BPNT1: variants seen among roughly 807,000 people sequenced by gnomAD.
BPNT1 encodes the protein 3'(2'),5'-bisphosphate nucleotidase 1.
A neutral mutation model predicts 36.9 loss-of-function variants in BPNT1; 28 were observed. The ratio of observed to expected loss-of-function variants is 0.76; its 90% CI spans 0.56 to 1.04. The LOEUF (loss-of-function observed/expected upper bound fraction) is 1.04. Ranked by LOEUF, BPNT1 falls within the 50% of genes least tolerant of loss-of-function variation. The probability of loss-of-function intolerance (pLI) is 0.00; values close to 1 mark genes in which losing one functional copy is unlikely to be tolerated. For synonymous variants in BPNT1, 119 were observed against 130.9 expected (o/e 0.91, Z 0.62); for missense variants, 313 against 372.9 (o/e 0.84, Z 1.32).
intron 1 of BPNT1, among the ~76,000 whole-genome samples, chr1:220,087,148 G>A (rs1243546188): frequency 6.6e-6 from 1 of 151,026 alleles, no homozygotes; most frequent in Non-Finnish European, 1.5e-5. Flanking sequence ...GTTTATAAAA[G>A]TAAAAAAAGA....
intron 6 of BPNT1, among the ~76,000 whole-genome samples, chr1:220,066,355 A>C (rs1282647224): frequency 6.6e-6 from 1 of 152,248 alleles, no homozygotes; most frequent in Non-Finnish European, 1.5e-5. Flanking sequence ...AATAGACACA[A>C]GCAATTTAAC....
chr1:220,084,108 G>C (rs1356977681), intron 1 of BPNT1, among the ~76,000 whole-genome samples: 4 of 152,158 alleles, frequency 2.6e-5, no homozygotes, highest in Admixed American at 2.6e-4. Context: ...CGAGGTGGGT[G>C]GATCACGAGG....
chr1:220,059,067 C>A (rs925335269), intron 8 of BPNT1, 75 bp from the exon 9 acceptor site: 1 of 1,455,646 alleles, frequency 6.9e-7, no homozygotes, highest in East Asian at 2.3e-5. Flanking sequence ...TTTTTAAGTG[C>A]CTTTTGCTTC....
At chr1:220,068,690 A>G (rs1011948224) in intron 5 of BPNT1, among the ~76,000 whole-genome samples, 8 of 151,986 alleles carry the variant, frequency 5.3e-5, no homozygotes, top group African/African-American at 1.9e-4. Context: ...AGGTGCCTGT[A>G]ATCCCCGCTA....
At chr1:220,069,970 A>C (rs1663909911) in intron 4 of BPNT1, among the ~76,000 whole-genome samples, 1 of 152,114 alleles carries the variant, frequency 6.6e-6, no homozygotes, top group Non-Finnish European at 1.5e-5. Context: ...GATTTTCAAC[A>C]TGAAATGCTT....
chr1:220,075,825 A>T (rs1392197532), intron 2 of BPNT1, among the ~76,000 whole-genome samples: 3 of 152,228 alleles, frequency 2.0e-5, no homozygotes, highest in Non-Finnish European at 4.4e-5. Flanking sequence ...ACTACAGAAG[A>T]CAATGAGAAT....
At chr1:220,078,535 T>TATATATATTATAATTATATATAAATATA (rs1374604684) in intron 2 of BPNT1, among the ~76,000 whole-genome samples, 1 of 142,856 alleles carries the variant, frequency 7.0e-6, no homozygotes, top group Non-Finnish European at 1.5e-5. Context: ...TATATTACAT[T>TATATATATTATAATTATATATAAATATA]ATATATATTA....
rs61279491 is a variant in BPNT1, at chr1:220,073,659, AAAC to A, written c.225+305_225+307del. On this transcript the variant is annotated intron_variant, in intron 3 of 8. Transcript: ENST00000322067. ...TGCAAATAAGCCTAATTTTAAAAAC[AAAC>A]AACAACGAAACCCATTTTATTCCAA... 7.0e-3 allele frequency among the ~76,000 whole-genome samples: 1,061 copies of A among 152,300 alleles called. 12 individuals are homozygous for A. The highest frequency in any genetic ancestry group is 0.024 in the African/African-American group (1,014 of 41,558).
At chr1:220,089,564 G>C (rs1378561261) in intron 1 of BPNT1, 122 bp downstream of exon 1, 1 of 152,194 alleles carries the variant, frequency 6.6e-6, no homozygotes, top group African/African-American at 2.4e-5. Context: ...AGTCCAAGTC[G>C]GAAGTTAGAA....
intron 7 of BPNT1, 44 bp from the exon 8 acceptor site, chr1:220,059,835 A>G (rs781304192): frequency 2.8e-6 from 4 of 1,421,314 alleles, no homozygotes; most frequent in South Asian, 1.3e-5. Context: ...AATAGAAAGA[A>G]TAATTGAAAG....
Position 220,058,528 on chromosome 1 carries a change from G to GTT in BPNT1, c.*314_*315dup. The GTT allele has an allele frequency of 3.0e-6, 3 of 994,614 alleles. No individual in the cohort carries two copies. Among genetic ancestry groups the GTT allele is most frequent in the South Asian group, 4.5e-5 (1 of 22,048 alleles). The allele number at this position is 994,614 out of a possible 1,614,324, so 61.6% of individuals were successfully genotyped here. On this transcript the variant is annotated 3_prime_UTR_variant, in exon 9 of 9. Coordinates refer to ENST00000322067, the MANE Select transcript of BPNT1 (RefSeq NM_006085.6). ...AAATGAAACTTTAAGTACTTTTTGG[G>GTT]TTTTTGTTTTTTTTTTTTCTGAGAC...
At chr1:220,062,734 C>A in intron 7 of BPNT1, 23 bp downstream of exon 7, 1 of 1,611,786 alleles carries the variant, frequency 6.2e-7, no homozygotes, top group South Asian at 1.1e-5. Context: ...CACTTCAGAG[C>A]AGATGACAGA....
At chr1:220,075,112 C>A (rs1486522136) in intron 2 of BPNT1, among the ~76,000 whole-genome samples, 1 of 152,098 alleles carries the variant, frequency 6.6e-6, no homozygotes. Flanking sequence ...GGCGCGATCT[C>A]AGCTCACTGC....
At chr1:220,075,693 T>TC (rs1430656839) in intron 2 of BPNT1, among the ~76,000 whole-genome samples, 5 of 152,214 alleles carry the variant, frequency 3.3e-5, no homozygotes, top group Non-Finnish European at 5.9e-5. Context: ...GATAAATATT[T>TC]CCTATTCTAT....
chr1:220,078,277 G>A (rs1664738888), intron 2 of BPNT1, among the ~76,000 whole-genome samples: 1 of 142,460 alleles, frequency 7.0e-6, no homozygotes, highest in Non-Finnish European at 1.5e-5. Flanking sequence ...GTAATGTGAA[G>A]TAATTACCAA....
At chr1:220,068,375 T>G (rs543282748) in intron 5 of BPNT1, among the ~76,000 whole-genome samples, 51 of 151,668 alleles carry the variant, frequency 3.4e-4, no homozygotes, top group South Asian at 2.1e-4. Context: ...GGAGAGAAGG[T>G]GTTTCACCAT....
intron 4 of BPNT1, among the ~76,000 whole-genome samples, chr1:220,070,810 T>A (rs1308521338): frequency 6.6e-6 from 1 of 151,026 alleles, no homozygotes; most frequent in Non-Finnish European, 1.5e-5. Flanking sequence ...TGAATGGCCC[T>A]GGCACACTTG....
chr1:220,084,018 C>G (rs1283982190), intron 1 of BPNT1, among the ~76,000 whole-genome samples: 1 of 152,020 alleles, frequency 6.6e-6, no homozygotes, highest in African/African-American at 2.4e-5. Context: ...ACTACTAATT[C>G]AGGAGCACTT....
In BPNT1 at chr1:220,086,326, G is replaced by GGT. The variant is rs1450986930; in HGVS notation, c.-9+3358_-9+3359dup. The stretch of plus-strand genomic sequence containing the variant: ...CGCTCTGTCGCCCAGGCTAAAGTGC[G>GGT]GTGGCCTGATATCGGCTCACTGCAA... On this transcript the variant is annotated intron_variant, in intron 1 of 8. Transcript: ENST00000322067. Among the ~76,000 whole-genome samples, 4 of 152,014 alleles carry GGT rather than the reference G, an allele frequency of 2.6e-5. 1 individual carries two copies. The highest frequency in any genetic ancestry group is 2.6e-4 in the Admixed American group (4 of 15,236).
Sources: gnomAD v4.1 joint callset for allele counts (sites outside exome capture counted in the v4.1 genomes callset) on GRCh38, gnomAD v4.1.1 for gene constraint, MANE v1.5 for transcripts, NCBI Gene and HGNC (gene_info 2026-07-23, HGNC 2026-07-21) for gene names.